The following XKR6 variants were observed in gnomAD, a reference collection of about 807,000 sequenced individuals.
The protein encoded by XKR6 is XK related 6, also known as XK-related protein 6.
A neutral mutation model predicts 56.7 loss-of-function variants in XKR6; 22 were observed. The observed-to-expected ratio is 0.39, with a 90% CI of 0.28 to 0.55. XKR6 has a LOEUF of 0.55. XKR6 is among the 20% of genes least tolerant of loss of function. XKR6 has a pLI of 0.66. For missense variants in XKR6, 852 were observed against 889.0 expected (o/e 0.96, Z 0.53); for synonymous variants, 524 against 387.8 (o/e 1.35, Z -4.13).
At position 10,897,218 on chromosome 8, in the gene XKR6, G is replaced by C. The variant is rs939444624; in HGVS notation, c.*734C>G. ...TTGAGCTCCTAGAAGGCTCTGCAAA[G>C]TGGGGAGAAGGTCAGGAGAGGAGGG... is the stretch of plus-strand genomic sequence containing the variant. On this transcript the variant is annotated 3_prime_UTR_variant, in exon 3 of 3. Coordinates refer to ENST00000416569, the MANE Select transcript of XKR6 (RefSeq NM_173683.4). The C allele has an allele frequency of 1.3e-5, 2 of 152,666 alleles. No homozygotes were observed. Among genetic ancestry groups the C allele is most frequent in the East Asian group, 1.9e-4 (1 of 5,200 alleles). The allele number at this position is 152,666 out of a possible 1,614,324, so 9.5% of individuals were successfully genotyped here. A position where few individuals can be genotyped will look rare whatever the true frequency, so the allele number is the denominator to read the frequency against.
At chr8:11,165,428 G>A (rs902081537) in intron 1 of XKR6, among the ~76,000 whole-genome samples, 12 of 151,978 alleles carry the variant, frequency 7.9e-5, no homozygotes, top group Admixed American at 5.9e-4. Context: ...AAGAACTGCA[G>A]GTGTACTTCT....
intron 1 of XKR6, among the ~76,000 whole-genome samples, chr8:10,988,607 G>C (rs147685500): frequency 0.011 from 1,639 of 152,286 alleles, 10 homozygotes; most frequent in Admixed American, 0.016. Context: ...GACCAGGACT[G>C]AGTCCATGAT....
At chr8:10,911,355 G>GTGTA (rs1491205397) in intron 2 of XKR6, among the ~76,000 whole-genome samples, 2 of 119,214 alleles carry the variant, frequency 1.7e-5, no homozygotes, top group African/African-American at 3.3e-5. Flanking sequence ...GTGTGTGTGT[G>GTGTA]TATATATATA....
At chr8:10,969,783 GTATA>G (rs1177449886) in intron 1 of XKR6, among the ~76,000 whole-genome samples, 3 of 152,234 alleles carry the variant, frequency 2.0e-5, no homozygotes, top group Non-Finnish European at 2.9e-5. Flanking sequence ...GGAGGCCACA[GTATA>G]TGGAAGAAGC....
intron 1 of XKR6, among the ~76,000 whole-genome samples, chr8:11,025,473 T>C (rs1798840175): frequency 6.6e-6 from 1 of 151,940 alleles, no homozygotes; most frequent in African/African-American, 2.4e-5. Context: ...GCCAATGGGA[T>C]AGAGGAAGCC....
intron 1 of XKR6, among the ~76,000 whole-genome samples, chr8:10,966,246 A>G (rs530385714): frequency 6.6e-6 from 1 of 152,186 alleles, no homozygotes; most frequent in East Asian, 1.9e-4. Context: ...TCCATTTCTA[A>G]CAAGTTCCCA....
At chr8:11,163,620 T>C (rs1801926460) in intron 1 of XKR6, among the ~76,000 whole-genome samples, 1 of 152,202 alleles carries the variant, frequency 6.6e-6, no homozygotes, top group African/African-American at 2.4e-5. Context: ...CTGAATGTGG[T>C]CGAGACACTC....
chr8:11,144,223 A>AGTGTGTGTGTGTGTGTGTGTGTGT lies in XKR6; in HGVS notation c.764+56329_764+56352dup, dbSNP rs35351104. ...TGATGTAGTTTTGTTTTAAATAAAA[A>AGTGTGTGTGTGTGTGTGTGTGTGT]GTGTGTGTGTGTGTGTGTGTGTGTG... On this transcript the variant is annotated intron_variant, in intron 1 of 2. Coordinates refer to ENST00000416569, the MANE Select transcript of XKR6 (RefSeq NM_173683.4). Among the ~76,000 whole-genome samples the AGTGTGTGTGTGTGTGTGTGTGTGT allele has an allele frequency of 1.3e-3, 182 of 136,492 alleles. 1 individual carries two copies. The highest frequency in any genetic ancestry group is 4.0e-3 in the South Asian group (15 of 3,770). The allele number at this position is 136,492 out of a possible 152,430, so 89.5% of individuals were successfully genotyped here.
At chr8:11,176,352 T>C (rs1159983926) in intron 1 of XKR6, among the ~76,000 whole-genome samples, 1 of 152,186 alleles carries the variant, frequency 6.6e-6, no homozygotes, top group East Asian at 1.9e-4. Flanking sequence ...AAGTGGTATG[T>C]CTCATATAAT....
chr8:11,085,185 G>A (rs776833686), intron 1 of XKR6, among the ~76,000 whole-genome samples: 22 of 152,146 alleles, frequency 1.4e-4, no homozygotes, highest in African/African-American at 5.1e-4. Flanking sequence ...AGATCTCTGT[G>A]GGCATCACAC....
intron 1 of XKR6, among the ~76,000 whole-genome samples, chr8:11,156,592 AAGT>A (rs1487668246): frequency 6.6e-6 from 1 of 152,236 alleles, no homozygotes; most frequent in African/African-American, 2.4e-5. Flanking sequence ...GACCCCAAAG[AAGT>A]TAAAAATTAT....
At chr8:10,948,836 G>C (rs1801630165) in intron 1 of XKR6, among the ~76,000 whole-genome samples, 1 of 152,220 alleles carries the variant, frequency 6.6e-6, no homozygotes, top group Non-Finnish European at 1.5e-5. Flanking sequence ...GGGCCTCCCT[G>C]GGAAACAGGC....
chr8:10,995,945 C>T (rs1247384930), intron 1 of XKR6, among the ~76,000 whole-genome samples: 1 of 152,144 alleles, frequency 6.6e-6, no homozygotes, highest in African/African-American at 2.4e-5. Context: ...GGCCCATGAC[C>T]TTGGGCAAGC....
intron 1 of XKR6, among the ~76,000 whole-genome samples, chr8:10,940,477 G>C (rs1801354072): frequency 6.6e-6 from 1 of 152,208 alleles, no homozygotes; most frequent in African/African-American, 2.4e-5. Flanking sequence ...AGAGGCCATA[G>C]TAGGCCCCGA....
At chr8:10,962,532 G>C (rs984026703) in intron 1 of XKR6, among the ~76,000 whole-genome samples, 3 of 152,160 alleles carry the variant, frequency 2.0e-5, no homozygotes, top group Non-Finnish European at 4.4e-5. Flanking sequence ...TTTGGAACTT[G>C]TAAGGAAGTT....
chr8:10,921,200 G>C (rs931354477), intron 2 of XKR6, among the ~76,000 whole-genome samples: 16 of 152,314 alleles, frequency 1.1e-4, no homozygotes, highest in Middle Eastern at 3.4e-3. Context: ...CCAGAGATTT[G>C]GTGCCCAGCC....
At chr8:10,906,128 G>C (rs1312287504) in intron 2 of XKR6, among the ~76,000 whole-genome samples, 1 of 152,220 alleles carries the variant, frequency 6.6e-6, no homozygotes, top group Non-Finnish European at 1.5e-5. Flanking sequence ...ATCTGCATGT[G>C]CTGGAGCTGG....
At chr8:11,051,914 G>C (rs1037599678) in intron 1 of XKR6, among the ~76,000 whole-genome samples, 1 of 152,214 alleles carries the variant, frequency 6.6e-6, no homozygotes, top group African/African-American at 2.4e-5. Context: ...ATATGCCATG[G>C]TGGTTTGTTA....
At chr8:11,094,599 C>G (rs544099582) in intron 1 of XKR6, among the ~76,000 whole-genome samples, 1 of 152,274 alleles carries the variant, frequency 6.6e-6, no homozygotes, top group African/African-American at 2.4e-5. Flanking sequence ...CCCAAATACC[C>G]CACTTCAAAT....
Sources: gnomAD v4.1 joint callset for allele counts (sites outside exome capture counted in the v4.1 genomes callset) on GRCh38, gnomAD v4.1.1 for gene constraint, MANE v1.5 for transcripts, NCBI Gene and HGNC (gene_info 2026-07-23, HGNC 2026-07-21) for gene names.